The following PALLD variants were observed in gnomAD, a reference collection of about 807,000 sequenced individuals.
PALLD encodes the protein palladin.
Under a neutral mutation model 123.5 loss-of-function variants are expected in PALLD, and 61 were observed. The observed-to-expected ratio is 0.49, with a 90% CI of 0.40 to 0.61. PALLD has a LOEUF of 0.61. Among genes scored for constraint, PALLD ranks in the 20% least tolerant of loss-of-function variants. The pLI is 0.00. For missense variants in PALLD, 1,273 were observed against 1,377.0 expected, an observed-to-expected ratio of 0.92 and a Z score of 1.20; for synonymous variants, 465 against 496.4, an observed-to-expected ratio of 0.94 and a Z score of 0.84.
chr4:168,898,783 A>C, intron 14 of PALLD, 69 bp downstream of exon 14: 1 of 948,064 alleles, frequency 1.1e-6, no homozygotes, highest in Admixed American at 1.7e-5. Context: ...AAAACATAGC[A>C]TGCCAGTAGG....
chr4:168,589,322 TAGG>T (rs775199261), intron 2 of PALLD, among the ~76,000 whole-genome samples: 3 of 152,118 alleles, frequency 2.0e-5, no homozygotes, highest in Non-Finnish European at 4.4e-5. Flanking sequence ...CCAATTTAGG[TAGG>T]AGACCTTCAG....
rs1762601182 is a variant in PALLD at position 168,926,518 on chromosome 4, A to G, written c.*338A>G. The stretch of plus-strand genomic sequence containing the variant: ...ATTAAAAAAAAAACACCAAAATAAT[A>G]TTTTTCTTACTTGATATACCAAACT... On this transcript the variant is annotated 3_prime_UTR_variant, in exon 22 of 22. Coordinates refer to ENST00000505667, the MANE Select transcript of PALLD (RefSeq NM_001166108.2). 3 of 647,676 alleles carry G rather than the reference A, an allele frequency of 4.6e-6. No homozygotes were observed. In the East Asian group the frequency reaches 8.4e-5, roughly 18 times the overall value. The allele number at this position is 647,676 out of a possible 1,614,324, so 40.1% of individuals were successfully genotyped here. A position where few individuals can be genotyped will look rare whatever the true frequency, so the allele number is the denominator to read the frequency against.
chr4:168,879,129 C>A (rs927378029), intron 10 of PALLD, among the ~76,000 whole-genome samples: 2 of 152,098 alleles, frequency 1.3e-5, no homozygotes, highest in Non-Finnish European at 2.9e-5. Flanking sequence ...GGCCTGTGAC[C>A]TCGAGATACA....
At chr4:168,783,123 T>C (rs1736190315) in intron 10 of PALLD, among the ~76,000 whole-genome samples, 1 of 150,952 alleles carries the variant, frequency 6.6e-6, no homozygotes, top group Admixed American at 6.6e-5. Flanking sequence ...AACCATATAT[T>C]CATGGTAGCT....
chr4:168,816,048 A>C (rs972682209), intron 10 of PALLD, among the ~76,000 whole-genome samples: 4 of 152,184 alleles, frequency 2.6e-5, no homozygotes, highest in African/African-American at 9.7e-5. Flanking sequence ...ATTTGACATA[A>C]TGAATACCAC....
chr4:168,641,466 C>T (rs1208878056), intron 2 of PALLD, among the ~76,000 whole-genome samples: 1 of 152,186 alleles, frequency 6.6e-6, no homozygotes, highest in Non-Finnish European at 1.5e-5. Context: ...CTGATCCAGA[C>T]AGTAGCTCAG....
intron 10 of PALLD, among the ~76,000 whole-genome samples, chr4:168,853,980 G>A (rs1216163260): frequency 2.0e-5 from 3 of 152,148 alleles, no homozygotes; most frequent in African/African-American, 7.2e-5. Context: ...AGGAAGAGAG[G>A]ATTCCAGTAA....
chr4:168,781,691 G>A (rs956956794), intron 10 of PALLD, among the ~76,000 whole-genome samples: 1 of 152,110 alleles, frequency 6.6e-6, no homozygotes, highest in African/African-American at 2.4e-5. Flanking sequence ...TACCACTTTA[G>A]TAGGGCTGGT....
intron 10 of PALLD, among the ~76,000 whole-genome samples, chr4:168,736,579 A>G (rs1187518394): frequency 2.0e-5 from 3 of 152,216 alleles, no homozygotes; most frequent in Non-Finnish European, 4.4e-5. Context: ...AAGGCTGGGA[A>G]ATAATGATCC....
chr4:168,768,845 T>G (rs1262651060), intron 10 of PALLD, among the ~76,000 whole-genome samples: 1 of 151,466 alleles, frequency 6.6e-6, no homozygotes, highest in Non-Finnish European at 1.5e-5. Flanking sequence ...GCTAATTTTT[T>G]GCATTTTAGT....
intron 2 of PALLD, among the ~76,000 whole-genome samples, chr4:168,562,506 T>G (rs1767967276): frequency 6.6e-6 from 1 of 152,194 alleles, no homozygotes; most frequent in African/African-American, 2.4e-5. Flanking sequence ...TAATGTAATT[T>G]TAAATGGTGT....
At position 168,711,595 on chromosome 4, in the gene PALLD, T is replaced by G. The variant is rs770037984; in HGVS notation, c.1636T>G (p.Cys546Gly). ...CCCTTCCTTAGCCAACACTGAAAACTGTAGTTACGAGTCAATGGGAGAATC... is the reference window on the plus strand; with the variant it reads ...CCCTTCCTTAGCCAACACTGAAAACGGTAGTTACGAGTCAATGGGAGAATC... Reference protein sequence around the residue: ...LVVTSANTENCSYESMGESNN... With the variant: ...LVVTSANTENGSYESMGESNN... Residue 546 changes from cysteine (C) to glycine (G), a missense_variant, in exon 10 of 22, where the codon TGT becomes GGT. Transcript: ENST00000505667. The G allele has an allele frequency of 6.2e-7, 1 of 1,613,602 alleles. No homozygotes were observed. Among genetic ancestry groups the G allele is most frequent in the South Asian group, 1.1e-5 (1 of 91,064 alleles).
chr4:168,731,583 A>G (rs115870669), intron 10 of PALLD, among the ~76,000 whole-genome samples: 1,958 of 152,366 alleles, frequency 0.013, 42 homozygotes, highest in African/African-American at 0.044. Context: ...TATTAAGACA[A>G]TGTTCACAAT....
intron 10 of PALLD, chr4:168,878,078 C>CG: frequency 1.4e-6 from 2 of 1,454,080 alleles, no homozygotes; most frequent in Non-Finnish European, 1.8e-6. Context: ...GCAGTTCGGC[C>CG]GCGCCCCCGT....
chr4:168,648,080 C>G (rs905317523), intron 2 of PALLD: 9 of 152,048 alleles, frequency 5.9e-5, no homozygotes, highest in Admixed American at 1.3e-4. Flanking sequence ...GATGTGAACT[C>G]CCCCCTGACT....
intron 6 of PALLD, among the ~76,000 whole-genome samples, chr4:168,689,657 A>G (rs945801960): frequency 2.0e-5 from 3 of 151,862 alleles, no homozygotes; most frequent in African/African-American, 7.3e-5. Flanking sequence ...CATGTTGGTC[A>G]GGCTGGTCTC....
chr4:168,500,736 T>C (rs1761316516), intron 1 of PALLD, among the ~76,000 whole-genome samples: 1 of 152,144 alleles, frequency 6.6e-6, no homozygotes, highest in Admixed American at 6.6e-5. Flanking sequence ...TAGAGCTGGC[T>C]TTCAGGTAAT....
At chr4:168,645,368 G>A (rs1477608731) in intron 2 of PALLD, among the ~76,000 whole-genome samples, 8 of 152,052 alleles carry the variant, frequency 5.3e-5, no homozygotes, top group South Asian at 4.1e-4. Flanking sequence ...CTCACCACCC[G>A]TATTAGTAAG....
chr4:168,676,780 C>T (rs992387197), intron 3 of PALLD, among the ~76,000 whole-genome samples: 9 of 151,444 alleles, frequency 5.9e-5, no homozygotes, highest in South Asian at 4.2e-4. Flanking sequence ...GGGGTTTCAC[C>T]GTGTTAGCCA....
Sources: allele counts gnomAD v4.1 joint callset (sites outside exome capture counted in the v4.1 genomes callset), GRCh38; gene constraint gnomAD v4.1.1; transcripts MANE v1.5; gene names NCBI Gene and HGNC (gene_info 2026-07-23, HGNC 2026-07-21).